The following ELMO1 variants were observed in gnomAD, a reference collection of about 807,000 sequenced individuals.
The protein encoded by ELMO1 is engulfment and cell motility 1.
Under a neutral mutation model 98.9 loss-of-function variants are expected in ELMO1, and 26 were observed. The observed-to-expected ratio is 0.26, with a 90% CI of 0.19 to 0.36. ELMO1 has a LOEUF of 0.36. Ranked by LOEUF, ELMO1 falls within the 10% of genes least tolerant of loss-of-function variation. The pLI is 1.00. For missense variants in ELMO1, 627 were observed against 935.2 expected (o/e 0.67, Z 4.30); for synonymous variants, 346 against 346.0 (o/e 1.00, Z 0.00).
intron 2 of ELMO1, among the ~76,000 whole-genome samples, chr7:37,330,179 GC>G (rs1385563335): frequency 6.6e-6 from 1 of 152,180 alleles, no homozygotes; most frequent in African/African-American, 2.4e-5. Flanking sequence ...TTAGCCAGAA[GC>G]TCTTTACATA....
intron 13 of ELMO1, among the ~76,000 whole-genome samples, chr7:37,193,135 G>A (rs1584790228): frequency 3.3e-5 from 5 of 151,688 alleles, no homozygotes; most frequent in African/African-American, 7.3e-5. Flanking sequence ...AATTCAACCT[G>A]ATAATTACCC....
At chr7:37,265,159 G>A (rs1483178515) in intron 5 of ELMO1, among the ~76,000 whole-genome samples, 1 of 152,080 alleles carries the variant, frequency 6.6e-6, no homozygotes, top group Non-Finnish European at 1.5e-5. Flanking sequence ...ACTTCTAACA[G>A]CACCAGCTGC....
intron 18 of ELMO1, among the ~76,000 whole-genome samples, chr7:36,880,731 A>G (rs1263010392): frequency 2.0e-5 from 3 of 152,128 alleles, no homozygotes; most frequent in Non-Finnish European, 4.4e-5. Context: ...CAAATCAGCA[A>G]CTCTGGCAAT....
chr7:36,930,867 G>A (rs746373803), intron 16 of ELMO1, among the ~76,000 whole-genome samples: 2 of 152,144 alleles, frequency 1.3e-5, no homozygotes, highest in Non-Finnish European at 2.9e-5. Flanking sequence ...GCACAAAGGG[G>A]ACACGCAGAA....
intron 1 of ELMO1, among the ~76,000 whole-genome samples, chr7:37,352,574 C>T (rs1801321051): frequency 6.6e-6 from 1 of 152,102 alleles, no homozygotes; most frequent in South Asian, 2.1e-4. Context: ...ATAGGACATA[C>T]TTTGAGACTA....
intron 2 of ELMO1, among the ~76,000 whole-genome samples, chr7:37,335,771 T>C (rs1219725512): frequency 6.6e-6 from 1 of 152,180 alleles, no homozygotes; most frequent in Non-Finnish European, 1.5e-5. Flanking sequence ...GGCCTGAATA[T>C]GCTCAGAACA....
chr7:36,957,268 A>G (rs1788536094), intron 16 of ELMO1, among the ~76,000 whole-genome samples: 1 of 134,910 alleles, frequency 7.4e-6, no homozygotes, highest in Non-Finnish European at 1.5e-5. Flanking sequence ...GTTGCCTTTG[A>G]CAGGATTGAG....
Position 36,901,204 on chromosome 7 carries a change from G to A in ELMO1, c.1438-6187C>T, listed in dbSNP as rs563193810. On this transcript the variant is annotated intron_variant, in intron 16 of 21. Transcript: ENST00000310758. ...CACTTTATAGTTTTGCCAGATCAGG[G>A]AGTGGAGTACCTAGGCCAGGCCATG... is the stretch of plus-strand genomic sequence containing the variant. Among the ~76,000 whole-genome samples the A allele has an allele frequency of 2.6e-5, 4 of 152,304 alleles. No individual in the cohort carries two copies. In the East Asian group the frequency reaches 5.8e-4, roughly 22 times the overall value.
intron 14 of ELMO1, among the ~76,000 whole-genome samples, chr7:37,125,366 A>T (rs1786428104): frequency 6.6e-6 from 1 of 152,206 alleles, no homozygotes; most frequent in South Asian, 2.1e-4. Flanking sequence ...AGAATGGGAG[A>T]AAATTTTTGC....
At chr7:37,205,009 T>C (rs953735292) in intron 13 of ELMO1, among the ~76,000 whole-genome samples, 7 of 152,228 alleles carry the variant, frequency 4.6e-5, no homozygotes, top group Admixed American at 2.0e-4. Flanking sequence ...AGAGTACTGA[T>C]TGGTGCGTTT....
Position 36,884,842 on chromosome 7 carries a change from G to A in ELMO1, c.1714+2718C>T, listed in dbSNP as rs1302977019. On this transcript the variant is annotated intron_variant, in intron 18 of 21. Transcript: ENST00000310758. The stretch of plus-strand genomic sequence containing the variant: ...GTTAACTACTGAAATTCACTCATCT[G>A]TGTCCTACTCATTGTCAGACAAGTT... Among the ~76,000 whole-genome samples the A allele has an allele frequency of 2.0e-5, 3 of 152,204 alleles. No individual in the cohort carries two copies. In the East Asian group the frequency reaches 5.8e-4, roughly 29 times the overall value.
rs79009591 is a variant in ELMO1 at position 37,070,650 on chromosome 7, G to A, written c.1300+25969C>T. ...GTCTTGAGCAAGGCTTTCTTGTTTG[G>A]TCTGGCCATTCCTGGCTTCTAGTGA... On this transcript the variant is annotated intron_variant, in intron 15 of 21. Transcript: ENST00000310758. Among the ~76,000 whole-genome samples, 1,377 of 152,262 alleles carry A rather than the reference G, an allele frequency of 9.0e-3. 5 individuals carry two copies. The highest frequency in any genetic ancestry group is 0.014 in the Middle Eastern group (4 of 292).
chr7:36,888,041 G>C (rs1163294969), intron 17 of ELMO1, among the ~76,000 whole-genome samples: 1 of 152,098 alleles, frequency 6.6e-6, no homozygotes, highest in Non-Finnish European at 1.5e-5. Context: ...TTTTTCCCCT[G>C]TACCAGCTAA....
chr7:37,254,899 C>A (rs1795558246), intron 6 of ELMO1, among the ~76,000 whole-genome samples: 1 of 152,150 alleles, frequency 6.6e-6, no homozygotes, highest in Non-Finnish European at 1.5e-5. Context: ...AACATGGAGA[C>A]AGAATTCAGA....
chr7:37,243,355 T>C (rs940573708), intron 7 of ELMO1, among the ~76,000 whole-genome samples: 1 of 152,164 alleles, frequency 6.6e-6, no homozygotes, highest in Non-Finnish European at 1.5e-5. Context: ...CGAGCTTGTA[T>C]GTTGAATGTA....
chr7:37,269,427 TA>T (rs1286226737), intron 5 of ELMO1: 2 of 142,056 alleles, frequency 1.4e-5, no homozygotes, highest in African/African-American at 2.6e-5. Flanking sequence ...GCTGGGCTCC[TA>T]TCTTTTTTTT....
chr7:37,342,891 C>A lies in ELMO1; in HGVS notation c.-73-128G>T. On this transcript the variant is annotated intron_variant, in intron 1 of 21. Transcript: ENST00000310758. This position sits in a 1 kb window ranked among gnomAD's most constrained non-coding sequence, Gnocchi z 4.3. The stretch of plus-strand genomic sequence containing the variant: ...AACGGCTCCCCTTGGTGCCTGGGTG[C>A]TGAAGGTGCAGGGGCACAGCCAACG... 1.9e-6 allele frequency: 1 copy of A among 539,476 alleles called. No homozygotes were observed. The highest frequency in any genetic ancestry group is 3.2e-6 in the Non-Finnish European group (1 of 308,030). The allele number at this position is 539,476 out of a possible 1,614,324, so 33.4% of individuals were successfully genotyped here. A position where few individuals can be genotyped will look rare whatever the true frequency, so the allele number is the denominator to read the frequency against.
intron 15 of ELMO1, among the ~76,000 whole-genome samples, chr7:37,016,774 C>A (rs1395347830): frequency 6.6e-6 from 1 of 152,182 alleles, no homozygotes; most frequent in Admixed American, 6.5e-5. Flanking sequence ...TTACTAACTT[C>A]TTTTTAAGAT....
intron 14 of ELMO1, among the ~76,000 whole-genome samples, chr7:37,132,804 C>T (rs1048449486): frequency 3.2e-4 from 48 of 152,154 alleles, no homozygotes. Flanking sequence ...AATTTGGAGT[C>T]ATGCAAGTTT....
Sources: gnomAD v4.1 joint callset for allele counts (sites outside exome capture counted in the v4.1 genomes callset) on GRCh38, gnomAD v4.1.1 for gene constraint, Gnocchi (gnomAD v3.1) non-coding constraint, MANE v1.5 for transcripts, NCBI Gene and HGNC (gene_info 2026-07-23, HGNC 2026-07-21) for gene names.